BCL2: variants seen among roughly 807,000 people sequenced by gnomAD.
BCL2 encodes the protein BCL2 apoptosis regulator, also known as apoptosis regulator Bcl-2.
Under a neutral mutation model 14.2 loss-of-function variants are expected in BCL2, and 1 was observed. The observed-to-expected ratio is 0.07, with a 90% CI of 0.02 to 0.33. BCL2 has a LOEUF of 0.33. Among genes scored for constraint, BCL2 ranks in the 10% least tolerant of loss-of-function variants. BCL2 has a pLI of 0.99. For missense variants in BCL2, 247 were observed against 305.9 expected (o/e 0.81, Z 1.44); for synonymous variants, 151 against 137.2 (o/e 1.10, Z -0.70).
At chr18:63,176,251 A>C (rs1344985131) in intron 2 of BCL2, among the ~76,000 whole-genome samples, 1 of 152,240 alleles carries the variant, frequency 6.6e-6, no homozygotes, top group Non-Finnish European at 1.5e-5. Context: ...GATGAGACCT[A>C]ACCTAACAAA....
chr18:63,253,303 T>C (rs1370799654), intron 2 of BCL2, among the ~76,000 whole-genome samples: 2 of 152,126 alleles, frequency 1.3e-5, no homozygotes, highest in Non-Finnish European at 2.9e-5. Flanking sequence ...TCCATACTGC[T>C]CACACCTGAC....
intron 2 of BCL2, among the ~76,000 whole-genome samples, chr18:63,266,194 A>T (rs959722745): frequency 6.6e-6 from 1 of 152,068 alleles, no homozygotes; most frequent in Non-Finnish European, 1.5e-5. Context: ...CTGATTAAAT[A>T]AACTATGGTA....
chr18:63,129,755 T>A (rs765290963), intron 2 of BCL2, among the ~76,000 whole-genome samples: 3 of 152,242 alleles, frequency 2.0e-5, no homozygotes, highest in Non-Finnish European at 2.9e-5. Context: ...ACGGCAGCTC[T>A]ATGAGAGCAT....
chr18:63,173,147 A>C (rs985318879), intron 2 of BCL2, among the ~76,000 whole-genome samples: 2 of 152,256 alleles, frequency 1.3e-5, no homozygotes, highest in African/African-American at 4.8e-5. Context: ...ATCGTAATTA[A>C]AAACTGAAAA....
chr18:63,221,224 C>T (rs1910383428), intron 2 of BCL2, among the ~76,000 whole-genome samples: 1 of 152,198 alleles, frequency 6.6e-6, no homozygotes, highest in Non-Finnish European at 1.5e-5. Context: ...TCTTTAAATG[C>T]CTTTTGATCT....
rs1390817422 is a variant in BCL2 at position 63,124,232 on chromosome 18, T to G, written c.*4393A>C. ...TTCACATTGCTTAATTTTATAAAATTTTTTTCTGTATTGTACATAATAAAC... is the reference window on the plus strand; with the variant it reads ...TTCACATTGCTTAATTTTATAAAATGTTTTTCTGTATTGTACATAATAAAC... On this transcript the variant is annotated 3_prime_UTR_variant, in exon 3 of 3. Coordinates refer to ENST00000333681, the MANE Select transcript of BCL2 (RefSeq NM_000633.3). 4.5e-6 allele frequency: 1 copy of G among 223,676 alleles called. No individual in the cohort carries two copies. Among genetic ancestry groups the G allele is most frequent in the Admixed American group, 5.7e-5 (1 of 17,458 alleles). 13.9% of individuals were successfully genotyped at this position (223,676 alleles called of 1,614,324 possible). A position where few individuals can be genotyped will look rare whatever the true frequency, so the allele number is the denominator to read the frequency against.
chr18:63,211,298 C>G (rs1909996453), intron 2 of BCL2, among the ~76,000 whole-genome samples: 1 of 151,918 alleles, frequency 6.6e-6, no homozygotes, highest in African/African-American at 2.4e-5. Context: ...CCTCAAGTGA[C>G]CTGCCTGTCT....
intron 2 of BCL2, among the ~76,000 whole-genome samples, chr18:63,188,646 A>G (rs1382849184): frequency 2.6e-5 from 4 of 152,190 alleles, no homozygotes; most frequent in Non-Finnish European, 5.9e-5. Context: ...TCATTTTACC[A>G]TAATACTATG....
chr18:63,173,662 T>C (rs534440957), intron 2 of BCL2, among the ~76,000 whole-genome samples: 1 of 152,338 alleles, frequency 6.6e-6, no homozygotes, highest in African/African-American at 2.4e-5. Context: ...AACTGATTCC[T>C]CATCTGGAGT....
chr18:63,286,481 C>T (rs1232203345), intron 2 of BCL2, among the ~76,000 whole-genome samples: 2 of 151,656 alleles, frequency 1.3e-5, no homozygotes, highest in Admixed American at 1.3e-4. Flanking sequence ...GTAGCTGGGA[C>T]GTAAGATTAG....
chr18:63,289,375 C>A lies in BCL2; in HGVS notation c.585+28707G>T, dbSNP rs184469077. 2.0e-4 allele frequency among the ~76,000 whole-genome samples: 31 copies of A among 152,132 alleles called. No homozygotes were observed. The East Asian group carries it at 6.0e-3, about 29-fold the overall frequency. Reference sequence around the variant, plus strand: ...TCCTGAAGGTGAGATCAGATCTGGGCCTTAAGGGATGGAGAATTCTGATGG... The same window carrying A: ...TCCTGAAGGTGAGATCAGATCTGGGACTTAAGGGATGGAGAATTCTGATGG... On this transcript the variant is annotated intron_variant, in intron 2 of 2. Transcript: ENST00000333681.
intron 2 of BCL2, among the ~76,000 whole-genome samples, chr18:63,278,601 A>G (rs2144251111): frequency 6.6e-6 from 1 of 151,974 alleles, no homozygotes; most frequent in East Asian, 1.9e-4. Context: ...CACTGACCCC[A>G]CCCTGCTGCT....
At chr18:63,280,873 A>G (rs977110113) in intron 2 of BCL2, among the ~76,000 whole-genome samples, 1 of 152,212 alleles carries the variant, frequency 6.6e-6, no homozygotes, top group Non-Finnish European at 1.5e-5. Flanking sequence ...ACTCAAACAG[A>G]TATGTGTACA....
chr18:63,193,510 A>G (rs1045155587), intron 2 of BCL2, among the ~76,000 whole-genome samples: 1 of 151,244 alleles, frequency 6.6e-6, no homozygotes, highest in Non-Finnish European at 1.5e-5. Context: ...GGTTTATTTC[A>G]CTGAGCATGA....
At chr18:63,317,801 G>A (rs1913542675) in intron 2 of BCL2, 2 of 1,322,432 alleles carry the variant, frequency 1.5e-6, no homozygotes, top group Non-Finnish European at 1.9e-6. Flanking sequence ...CACTGAAGGG[G>A]TACCATTTAC....
chr18:63,149,583 C>T lies in BCL2; in HGVS notation c.586-20824G>A, dbSNP rs1275407800. Among the ~76,000 whole-genome samples, 6 of 152,220 alleles carry T rather than the reference C, an allele frequency of 3.9e-5. No individual in the cohort carries two copies. Among genetic ancestry groups the T allele is most frequent in the Admixed American group, 6.5e-5 (1 of 15,284 alleles). On this transcript the variant is annotated intron_variant, in intron 2 of 2. Coordinates refer to ENST00000333681, the MANE Select transcript of BCL2 (RefSeq NM_000633.3). This position sits in a 1 kb window ranked among gnomAD's most constrained non-coding sequence, Gnocchi z 4.2. ...TGTGAGGGGAAGCTGGAACTATTCACGTATTTACAGGGAGAGTCCGAATAA... is the reference window on the plus strand; with the variant it reads ...TGTGAGGGGAAGCTGGAACTATTCATGTATTTACAGGGAGAGTCCGAATAA...
At chr18:63,206,402 T>C (rs1394784035) in intron 2 of BCL2, among the ~76,000 whole-genome samples, 5 of 152,254 alleles carry the variant, frequency 3.3e-5, no homozygotes, top group Admixed American at 6.5e-5. Context: ...CTAGGATCTC[T>C]CATCATCTTC....
intron 2 of BCL2, among the ~76,000 whole-genome samples, chr18:63,263,626 T>C (rs1368832444): frequency 1.3e-5 from 2 of 152,252 alleles, no homozygotes; most frequent in Non-Finnish European, 2.9e-5. Context: ...AGTCACATCA[T>C]TGCATCATCA....
intron 2 of BCL2, among the ~76,000 whole-genome samples, chr18:63,146,785 C>T (rs770465774): frequency 2.0e-5 from 3 of 152,066 alleles, no homozygotes; most frequent in East Asian, 1.9e-4. Context: ...ATTAGGATCA[C>T]GCCTGGTGGG....
Sources: gnomAD v4.1 joint callset for allele counts (sites outside exome capture counted in the v4.1 genomes callset) on GRCh38, gnomAD v4.1.1 for gene constraint, Gnocchi (gnomAD v3.1) non-coding constraint, MANE v1.5 for transcripts, NCBI Gene and HGNC (gene_info 2026-07-23, HGNC 2026-07-21) for gene names.